The following ZDHHC3 variants were observed in gnomAD, a reference collection of about 807,000 sequenced individuals.
ZDHHC3 encodes zDHHC palmitoyltransferase 3, also known as palmitoyltransferase ZDHHC3.
ZDHHC3 carries 9 observed loss-of-function variants against 30.6 expected under a neutral mutation model. The ratio of observed to expected loss-of-function variants is 0.29; its 90% CI spans 0.18 to 0.51. ZDHHC3 has a LOEUF of 0.51. Ranked by LOEUF, ZDHHC3 falls within the 20% of genes least tolerant of loss-of-function variation. ZDHHC3 has a pLI of 0.97. For missense variants in ZDHHC3, 246 were observed against 384.2 expected, an observed-to-expected ratio of 0.64 and a Z score of 3.01; for synonymous variants, 136 against 140.2, an observed-to-expected ratio of 0.97 and a Z score of 0.21.
At position 44,921,329 on chromosome 3, in the gene ZDHHC3, T is replaced by G; in HGVS notation, c.*5360A>C. ...TCATCAGATGTAGAAAGCCAGAGCC[T>G]CAGGGAGCAGCCTATGCAAATGTGT... On this transcript the variant is annotated 3_prime_UTR_variant, in exon 7 of 7. Coordinates refer to ENST00000424952, the MANE Select transcript of ZDHHC3 (RefSeq NM_001135179.2). 2 of 985,008 alleles carry G rather than the reference T, an allele frequency of 2.0e-6. No individual in the cohort carries two copies. Among genetic ancestry groups the G allele is most frequent in the Non-Finnish European group, 2.4e-6 (2 of 829,880 alleles). The allele number at this position is 985,008 out of a possible 1,614,324, so 61.0% of individuals were successfully genotyped here. A position where few individuals can be genotyped will look rare whatever the true frequency, so the allele number is the denominator to read the frequency against.
At chr3:44,945,575 C>CA (rs1391158575) in intron 2 of ZDHHC3, among the ~76,000 whole-genome samples, 8 of 151,784 alleles carry the variant, frequency 5.3e-5, no homozygotes, top group African/African-American at 1.9e-4. Flanking sequence ...TTTTTTTAGA[C>CA]AGAGTCTTGC....
At chr3:44,958,262 C>T (rs1704128362) in intron 2 of ZDHHC3, among the ~76,000 whole-genome samples, 3 of 152,066 alleles carry the variant, frequency 2.0e-5, no homozygotes, top group Admixed American at 2.0e-4. Context: ...GAAATGGAGC[C>T]CTTTGAGACA....
chr3:44,935,418 C>T (rs540342928), intron 3 of ZDHHC3, among the ~76,000 whole-genome samples: 3 of 152,176 alleles, frequency 2.0e-5, no homozygotes, highest in Admixed American at 1.3e-4. Context: ...CACAGGTGCA[C>T]GCCACCACAC....
chr3:44,930,315 C>T (rs1276781994), intron 5 of ZDHHC3, among the ~76,000 whole-genome samples: 1 of 152,174 alleles, frequency 6.6e-6, no homozygotes, highest in Non-Finnish European at 1.5e-5. Flanking sequence ...TGGGGGTGAG[C>T]AGGGAGGGGA....
chr3:44,965,211 C>A (rs1460139819), intron 1 of ZDHHC3, among the ~76,000 whole-genome samples: 1 of 152,160 alleles, frequency 6.6e-6, no homozygotes, highest in Non-Finnish European at 1.5e-5. Context: ...ACAAAAACTG[C>A]CTGTGGTCCA....
intron 1 of ZDHHC3, among the ~76,000 whole-genome samples, chr3:44,967,816 T>C (rs1705081586): frequency 6.6e-6 from 1 of 152,224 alleles, no homozygotes; most frequent in African/African-American, 2.4e-5. Context: ...AATGTGAAAA[T>C]TTAAGTCCTT....
Position 44,924,637 on chromosome 3 carries a change from G to A in ZDHHC3, c.*2052C>T. ...ATGCCAGGGGAAAAGAGCTAACCTG[G>A]CTCACTTTAAAAAATGCCCTGGAAG... On this transcript the variant is annotated 3_prime_UTR_variant, in exon 7 of 7. Coordinates refer to ENST00000424952, the MANE Select transcript of ZDHHC3 (RefSeq NM_001135179.2). 1.0e-6 allele frequency: 1 copy of A among 985,398 alleles called. No individual in the cohort carries two copies. The highest frequency in any genetic ancestry group is 1.2e-6 in the Non-Finnish European group (1 of 829,934). The allele number at this position is 985,398 out of a possible 1,614,324, so 61.0% of individuals were successfully genotyped here. A position where few individuals can be genotyped will look rare whatever the true frequency, so the allele number is the denominator to read the frequency against.
intron 2 of ZDHHC3, among the ~76,000 whole-genome samples, chr3:44,949,794 C>T (rs1269208819): frequency 1.3e-5 from 2 of 151,986 alleles, no homozygotes; most frequent in Non-Finnish European, 1.5e-5. Context: ...CTGGTCCAGG[C>T]AGAGGACAGG....
intron 1 of ZDHHC3, among the ~76,000 whole-genome samples, chr3:44,961,168 G>A (rs1426678293): frequency 1.3e-5 from 2 of 152,214 alleles, no homozygotes; most frequent in African/African-American, 4.8e-5. Flanking sequence ...CAAGGCGGGT[G>A]GATCACGAGG....
At chr3:44,948,928 C>T (rs908108069) in intron 2 of ZDHHC3, among the ~76,000 whole-genome samples, 1 of 152,206 alleles carries the variant, frequency 6.6e-6, no homozygotes, top group Non-Finnish European at 1.5e-5. Context: ...GGATGAGGAG[C>T]CAAAGGCTCA....
At chr3:44,964,833 G>GT (rs1036923342) in intron 1 of ZDHHC3, among the ~76,000 whole-genome samples, 2 of 152,162 alleles carry the variant, frequency 1.3e-5, no homozygotes, top group Non-Finnish European at 2.9e-5. Flanking sequence ...CTATATTGAA[G>GT]TTTTTTGGCT....
At chr3:44,930,283 G>A (rs975314026) in intron 5 of ZDHHC3, among the ~76,000 whole-genome samples, 4 of 152,214 alleles carry the variant, frequency 2.6e-5, no homozygotes, top group African/African-American at 9.6e-5. Context: ...GGAAGAGAAA[G>A]GCAAAGGTGC....
In ZDHHC3 at chr3:44,917,343, G is replaced by A. The variant is rs1700245910; in HGVS notation, c.*9346C>T. ...ACCTCCTAATTTCGGCAGGCAGCATGGGGAAGCCCTTTCCAGGGAGTAGCT... is the reference window on the plus strand; with the variant it reads ...ACCTCCTAATTTCGGCAGGCAGCATAGGGAAGCCCTTTCCAGGGAGTAGCT... On this transcript the variant is annotated 3_prime_UTR_variant, in exon 7 of 7. Coordinates refer to ENST00000424952, the MANE Select transcript of ZDHHC3 (RefSeq NM_001135179.2). 2 of 162,330 alleles carry A rather than the reference G, an allele frequency of 1.2e-5. No individual in the cohort carries two copies. The highest frequency in any genetic ancestry group is 4.8e-5 in the African/African-American group (2 of 41,540). 10.1% of individuals were successfully genotyped at this position (162,330 alleles called of 1,614,324 possible).
intron 1 of ZDHHC3, among the ~76,000 whole-genome samples, chr3:44,973,522 G>A (rs1423611080): frequency 6.6e-6 from 1 of 152,066 alleles, no homozygotes; most frequent in Non-Finnish European, 1.5e-5. Context: ...GCAATGGCGT[G>A]ATCTCAGCTC....
At chr3:44,966,944 AAAGT>A (rs1705003741) in intron 1 of ZDHHC3, among the ~76,000 whole-genome samples, 1 of 152,330 alleles carries the variant, frequency 6.6e-6, no homozygotes, top group Admixed American at 6.5e-5. Context: ...CTAGCCAAGG[AAAGT>A]GTCCAGACAG....
At position 44,923,582 on chromosome 3, in the gene ZDHHC3, G is replaced by A; in HGVS notation, c.*3107C>T. 1 of 977,816 alleles carries A rather than the reference G, an allele frequency of 1.0e-6. No homozygotes were observed. 60.6% of individuals were successfully genotyped at this position (977,816 alleles called of 1,614,324 possible). A position where few individuals can be genotyped will look rare whatever the true frequency, so the allele number is the denominator to read the frequency against. ...TTTGGGAGGCTAAGGCAGGAAAATTGCTGGAGGCCGGGCATTTGAGACTAG... is the reference window on the plus strand; with the variant it reads ...TTTGGGAGGCTAAGGCAGGAAAATTACTGGAGGCCGGGCATTTGAGACTAG... On this transcript the variant is annotated 3_prime_UTR_variant, in exon 7 of 7. Transcript: ENST00000424952.
rs35142429 is a variant in ZDHHC3 at position 44,959,134 on chromosome 3, G to A, written c.303C>T (p.Asp101=). ...LASHCRAMLT[D]PGAVPKGNAT... is the part of the protein sequence containing the mutation. ...AAACAAGCCCAGACATACTCACGGG[G>A]TCCGTCAGCATGGCCCGGCAGTGGG... The change falls in exon 2 of 7, where the codon GAC becomes GAT. Residue 101 remains aspartate, a synonymous_variant. Transcript: ENST00000424952. The surrounding 1 kb of genome is among the most constrained non-coding windows in gnomAD (Gnocchi z 4.3). 24,390 of 1,614,142 alleles carry A rather than the reference G, an allele frequency of 0.015. 256 individuals are homozygous for A. Among genetic ancestry groups the A allele is most frequent in the Non-Finnish European group, 0.017 (19,777 of 1,179,972 alleles).
intron 3 of ZDHHC3, among the ~76,000 whole-genome samples, chr3:44,942,595 A>T (rs1401875813): frequency 6.6e-6 from 1 of 152,228 alleles, no homozygotes; most frequent in Non-Finnish European, 1.5e-5. Flanking sequence ...TCTATAATAC[A>T]AAGTTAACAC....
Position 44,925,561 on chromosome 3 carries a change from G to A in ZDHHC3, c.*1128C>T, listed in dbSNP as rs1264895885. On this transcript the variant is annotated 3_prime_UTR_variant, in exon 7 of 7. Coordinates refer to ENST00000424952, the MANE Select transcript of ZDHHC3 (RefSeq NM_001135179.2). The stretch of plus-strand genomic sequence containing the variant: ...GTCCCAGTGCCACAGGCTTAGGTGT[G>A]TCTGTGGATTCTGGCCAATGGGATG... 1 of 985,368 alleles carries A rather than the reference G, an allele frequency of 1.0e-6. No homozygotes were observed. The highest frequency in any genetic ancestry group is 6.1e-5 in the Admixed American group (1 of 16,264). The allele number at this position is 985,368 out of a possible 1,614,324, so 61.0% of individuals were successfully genotyped here.
Sources: allele counts gnomAD v4.1 joint callset (sites outside exome capture counted in the v4.1 genomes callset), GRCh38; gene constraint gnomAD v4.1.1; non-coding constraint Gnocchi (gnomAD v3.1); transcripts MANE v1.5; gene names NCBI Gene and HGNC (gene_info 2026-07-23, HGNC 2026-07-21).